The following GLRA1 variants were observed in gnomAD, a reference collection of about 807,000 sequenced individuals.
GLRA1 encodes glycine receptor subunit alpha-1.
In GLRA1, 37 loss-of-function variants were observed where a neutral mutation model predicts 48.3. The observed-to-expected ratio is 0.77, with a 90% CI of 0.59 to 1.01. GLRA1 has a LOEUF of 1.01. Ranked by LOEUF, GLRA1 falls within the 50% of genes least tolerant of loss-of-function variation. The pLI, the probability that GLRA1 is intolerant of heterozygous loss-of-function variation, is 0.00. For missense variants in GLRA1, 427 were observed against 571.0 expected (o/e 0.75, Z 2.57); for synonymous variants, 196 against 210.7 (o/e 0.93, Z 0.60).
At chr5:151,907,729 G>A (rs1246867185) in intron 1 of GLRA1, among the ~76,000 whole-genome samples, 2 of 152,214 alleles carry the variant, frequency 1.3e-5, no homozygotes, top group Non-Finnish European at 2.9e-5. Context: ...TGATAGGACT[G>A]AGTATTATTC....
intron 1 of GLRA1, among the ~76,000 whole-genome samples, chr5:151,917,124 A>C (rs1477535896): frequency 4.6e-5 from 7 of 152,208 alleles, no homozygotes. Flanking sequence ...CTGCAAAATA[A>C]AAGGGTTGAT....
intron 1 of GLRA1, among the ~76,000 whole-genome samples, chr5:151,914,731 G>C (rs1053467586): frequency 2.6e-5 from 4 of 152,156 alleles, no homozygotes; most frequent in Non-Finnish European, 5.9e-5. Flanking sequence ...CCTTGTCAGA[G>C]CTCTAACCAC....
At chr5:151,858,529 A>G (rs902851818) in intron 4 of GLRA1, among the ~76,000 whole-genome samples, 2 of 152,152 alleles carry the variant, frequency 1.3e-5, no homozygotes, top group African/African-American at 2.4e-5. Flanking sequence ...CTGGATGGCC[A>G]TTTCCTAAGC....
At chr5:151,862,532 T>C (rs1026745780) in intron 3 of GLRA1, among the ~76,000 whole-genome samples, 1 of 152,170 alleles carries the variant, frequency 6.6e-6, no homozygotes, top group Non-Finnish European at 1.5e-5. Context: ...TAATCTGACA[T>C]CTTACTAGCT....
At chr5:151,824,733 C>A (rs985872284) in intron 8 of GLRA1, among the ~76,000 whole-genome samples, 2 of 152,074 alleles carry the variant, frequency 1.3e-5, no homozygotes, top group African/African-American at 4.8e-5. Context: ...CTGTATATAT[C>A]TCCGTCTTTT....
At chr5:151,918,459 G>A (rs1277594279) in intron 1 of GLRA1, among the ~76,000 whole-genome samples, 1 of 152,134 alleles carries the variant, frequency 6.6e-6, no homozygotes, top group Non-Finnish European at 1.5e-5. Context: ...CGAGGCTTTT[G>A]CATAACCAAG....
chr5:151,910,829 A>G (rs1224962270), intron 1 of GLRA1, among the ~76,000 whole-genome samples: 2 of 152,172 alleles, frequency 1.3e-5, no homozygotes, highest in Non-Finnish European at 2.9e-5. Context: ...GGTTTATAGC[A>G]CTTACTAGGT....
chr5:151,827,838 ACT>A (rs527549349), intron 8 of GLRA1, among the ~76,000 whole-genome samples: 1 of 151,888 alleles, frequency 6.6e-6, no homozygotes, highest in Non-Finnish European at 1.5e-5. Context: ...AAAACTTCAG[ACT>A]CTCTGTCTGA....
At chr5:151,860,610 C>T (rs1753171449) in intron 3 of GLRA1, among the ~76,000 whole-genome samples, 2 of 152,316 alleles carry the variant, frequency 1.3e-5, no homozygotes, top group South Asian at 4.1e-4. Flanking sequence ...TCCTGCTGGT[C>T]CTAGGGTTCA....
At chr5:151,823,975 G>A (rs1436376197) in intron 8 of GLRA1, among the ~76,000 whole-genome samples, 1 of 151,516 alleles carries the variant, frequency 6.6e-6, no homozygotes, top group Non-Finnish European at 1.5e-5. Context: ...CTCAGCTGTT[G>A]ATTCAATGTT....
intron 1 of GLRA1, among the ~76,000 whole-genome samples, chr5:151,917,451 T>G (rs1012132788): frequency 1.4e-4 from 21 of 152,220 alleles, no homozygotes; most frequent in African/African-American, 4.8e-4. Context: ...TAAAACCACT[T>G]TATTGAGGTG....
intron 1 of GLRA1, among the ~76,000 whole-genome samples, chr5:151,920,451 T>A (rs1754847470): frequency 6.6e-6 from 1 of 152,262 alleles, no homozygotes; most frequent in Non-Finnish European, 1.5e-5. Flanking sequence ...ATTTCCTAAA[T>A]ATCCTCTGCT....
chr5:151,828,768 G>A (rs1763340565), intron 8 of GLRA1, among the ~76,000 whole-genome samples, 153 bp downstream of exon 8: 1 of 152,316 alleles, frequency 6.6e-6, no homozygotes, highest in South Asian at 2.1e-4. Context: ...GGGAGGGAAA[G>A]CTGAGACCTC....
At chr5:151,874,627 G>A (rs1753579409) in intron 3 of GLRA1, among the ~76,000 whole-genome samples, 1 of 152,160 alleles carries the variant, frequency 6.6e-6, no homozygotes, top group Non-Finnish European at 1.5e-5. Context: ...AAACAAACAA[G>A]TGAACTTTTA....
At chr5:151,885,313 AAG>A (rs1753871661) in intron 3 of GLRA1, among the ~76,000 whole-genome samples, 1 of 152,242 alleles carries the variant, frequency 6.6e-6, no homozygotes, top group South Asian at 2.1e-4. Context: ...GAAATGAAAC[AAG>A]ATACCAGCCC....
intron 4 of GLRA1, among the ~76,000 whole-genome samples, chr5:151,856,820 C>G (rs534001243): frequency 1.3e-5 from 2 of 152,280 alleles, no homozygotes; most frequent in Admixed American, 1.3e-4. Flanking sequence ...CCATGCCCGG[C>G]CGTGACATGA....
intron 8 of GLRA1, among the ~76,000 whole-genome samples, chr5:151,825,426 G>A (rs949485518): frequency 1.3e-5 from 2 of 152,188 alleles, no homozygotes; most frequent in African/African-American, 4.8e-5. Context: ...ATGGGAGTAG[G>A]AGGAGTAGAG....
intron 3 of GLRA1, among the ~76,000 whole-genome samples, chr5:151,863,514 G>T (rs1753255928): frequency 1.3e-5 from 2 of 152,072 alleles, no homozygotes; most frequent in South Asian, 4.1e-4. Flanking sequence ...CACAAGTAGA[G>T]TTTAGGGTAT....
chr5:151,822,730 G>A lies in GLRA1; in HGVS notation c.1293C>T (p.Asn431=), dbSNP rs1763170405. The A allele has an allele frequency of 8.7e-6, 14 of 1,613,850 alleles. No individual in the cohort carries two copies. The highest frequency in any genetic ancestry group is 1.2e-5 in the Non-Finnish European group (14 of 1,179,764). The part of the protein sequence containing the change: ...IGFPMAFLIF[N]MFYWIIYKIV... ...TCTTGTAGATGATCCAGTAGAACAT[G>A]TTGAAAATGAGGAAGGCCATGGGGA... Residue 431 remains asparagine, a synonymous_variant, in exon 9 of 9, where the codon AAC becomes AAT. Transcript: ENST00000274576.
Sources: gnomAD v4.1 joint callset for allele counts (sites outside exome capture counted in the v4.1 genomes callset) on GRCh38, gnomAD v4.1.1 for gene constraint, MANE v1.5 for transcripts, NCBI Gene and HGNC (gene_info 2026-07-23, HGNC 2026-07-21) for gene names.